LARGE1: variants seen among roughly 807,000 people sequenced by gnomAD.
The protein encoded by LARGE1 is LARGE xylosyl- and glucuronyltransferase 1.
Under a neutral mutation model 87.6 loss-of-function variants are expected in LARGE1, and 43 were observed. The ratio of observed to expected loss-of-function variants is 0.49; its 90% CI spans 0.38 to 0.63. The LOEUF (loss-of-function observed/expected upper bound fraction) is 0.63. Ranked by LOEUF, LARGE1 falls within the 30% of genes least tolerant of loss-of-function variation. LARGE1 has a pLI of 0.00. For missense variants in LARGE1, 802 were observed against 1,000.2 expected (o/e 0.80, Z 2.67); for synonymous variants, 434 against 394.6 (o/e 1.10, Z -1.18).
intron 1 of LARGE1, among the ~76,000 whole-genome samples, chr22:33,769,565 C>T (rs2085003910): frequency 6.6e-6 from 1 of 152,202 alleles, no homozygotes; most frequent in South Asian, 2.1e-4. Flanking sequence ...ATACAAACTA[C>T]TCCAATCACA....
the LARGE1 span, among the ~76,000 whole-genome samples, chr22:33,076,304 C>T: frequency 6.6e-6 from 1 of 152,116 alleles, no homozygotes; most frequent in Admixed American, 6.6e-5. Context: ...TGGAGATACA[C>T]ACAATTCTGC....
chr22:33,251,419 T>C (rs1298597679), intron 11 of LARGE1, among the ~76,000 whole-genome samples: 1 of 152,206 alleles, frequency 6.6e-6, no homozygotes, highest in Non-Finnish European at 1.5e-5. Context: ...CTTTCTGCTC[T>C]GTTTTTTTTT....
intron 6 of LARGE1, among the ~76,000 whole-genome samples, chr22:33,508,991 T>C (rs2070907501): frequency 6.6e-6 from 1 of 152,200 alleles, no homozygotes; most frequent in Non-Finnish European, 1.5e-5. Context: ...TGGCTTCAAT[T>C]TACCGCTCTG....
At chr22:33,660,570 G>A (rs922528929) in intron 2 of LARGE1, among the ~76,000 whole-genome samples, 1 of 152,156 alleles carries the variant, frequency 6.6e-6, no homozygotes, top group Admixed American at 6.5e-5. Context: ...CATCACCAGC[G>A]TTAGTGACGG....
chr22:33,848,060 C>T (rs749070881), intron 1 of LARGE1, among the ~76,000 whole-genome samples: 6 of 152,242 alleles, frequency 3.9e-5, no homozygotes, highest in Middle Eastern at 3.4e-3. Flanking sequence ...GCTTATTGTG[C>T]GAAAAGCAGC....
At chr22:33,651,694 G>A (rs1238914860) in intron 2 of LARGE1, among the ~76,000 whole-genome samples, 1 of 152,182 alleles carries the variant, frequency 6.6e-6, no homozygotes, top group Non-Finnish European at 1.5e-5. Flanking sequence ...TGGTTAACAT[G>A]TCACAAGGTC....
At chr22:33,904,144 G>A (rs978533195) in intron 1 of LARGE1, among the ~76,000 whole-genome samples, 7 of 152,160 alleles carry the variant, frequency 4.6e-5, no homozygotes, top group African/African-American at 9.6e-5. Context: ...TACCAGCTCC[G>A]GGGATGTGGT....
the LARGE1 span, among the ~76,000 whole-genome samples, chr22:33,142,770 C>T: frequency 6.6e-6 from 1 of 152,176 alleles, no homozygotes; most frequent in Non-Finnish European, 1.5e-5. Context: ...GCTCATCACT[C>T]AACGATTTTC....
At chr22:33,677,213 AC>A (rs1226812896) in intron 2 of LARGE1, among the ~76,000 whole-genome samples, 1 of 151,672 alleles carries the variant, frequency 6.6e-6, no homozygotes, top group Non-Finnish European at 1.5e-5. Context: ...AGTGAAAAAG[AC>A]GGGGGAGGAT....
At position 33,843,440 on chromosome 22, in the gene LARGE1, A is replaced by AAAATAAATAAATAAATAAATAAAT. The variant is rs59206767; in HGVS notation, c.-83+76531_-83+76554dup. 1.0e-3 allele frequency among the ~76,000 whole-genome samples: 146 copies of AAAATAAATAAATAAATAAATAAAT among 146,622 alleles called. 1 individual carries two copies. Among genetic ancestry groups the AAAATAAATAAATAAATAAATAAAT allele is most frequent in the South Asian group, 4.2e-3 (19 of 4,490 alleles). On this transcript the variant is annotated intron_variant, in intron 1 of 14. Coordinates refer to ENST00000397394, the MANE Select transcript of LARGE1 (RefSeq NM_133642.5). ...GGATAGAGCAAGACTCCCTCTCAAAAAAATAAATAAATAAATAAATAAATA... is the reference window on the plus strand; with the variant it reads ...GGATAGAGCAAGACTCCCTCTCAAAAAAATAAATAAATAAATAAATAAATAAATAAATAAATAAATAAATAAATA...
At chr22:33,742,003 G>A (rs764979923) in intron 2 of LARGE1, among the ~76,000 whole-genome samples, 22 of 152,174 alleles carry the variant, frequency 1.4e-4, no homozygotes, top group Non-Finnish European at 1.9e-4. Flanking sequence ...AACCGGCTGT[G>A]TTTCTGCAGT....
intron 9 of LARGE1, among the ~76,000 whole-genome samples, chr22:33,373,972 CAAAAA>C (rs35830988): frequency 3.4e-5 from 2 of 59,536 alleles, no homozygotes; most frequent in African/African-American, 1.4e-4. Flanking sequence ...GACTCCGTCT[CAAAAA>C]AAAAAAAAAA....
At chr22:33,212,760 G>C (rs1925022338) in intron 11 of LARGE1, among the ~76,000 whole-genome samples, 1 of 152,200 alleles carries the variant, frequency 6.6e-6, no homozygotes, top group African/African-American at 2.4e-5. Flanking sequence ...GCTCATGCCT[G>C]TAATCCCAGC....
At chr22:33,376,703 G>C (rs143905220) in intron 9 of LARGE1, among the ~76,000 whole-genome samples, 1 of 152,118 alleles carries the variant, frequency 6.6e-6, no homozygotes, top group Admixed American at 6.5e-5. Context: ...TATGCAAACT[G>C]TTCTTGTCAC....
At chr22:33,591,299 T>A (rs1303232997) in intron 5 of LARGE1, among the ~76,000 whole-genome samples, 2 of 152,232 alleles carry the variant, frequency 1.3e-5, no homozygotes, top group African/African-American at 4.8e-5. Flanking sequence ...TTCCACATCC[T>A]CACTGACACT....
chr22:33,380,898 AGTTGTG>A (rs2065134103), intron 9 of LARGE1, among the ~76,000 whole-genome samples: 1 of 152,212 alleles, frequency 6.6e-6, no homozygotes, highest in East Asian at 1.9e-4. Flanking sequence ...TCTGTTGAAT[AGTTGTG>A]GTCAATTCTT....
chr22:33,356,336 C>G (rs796249407), intron 9 of LARGE1, among the ~76,000 whole-genome samples: 8 of 152,278 alleles, frequency 5.3e-5, no homozygotes, highest in African/African-American at 1.7e-4. Context: ...CCCAAGGTCC[C>G]GTCTGCTTAG....
chr22:33,274,282 G>A lies in LARGE1; in HGVS notation c.*145C>T, dbSNP rs1291963576. On this transcript the variant is annotated 3_prime_UTR_variant, in exon 15 of 15. Coordinates refer to ENST00000397394, the MANE Select transcript of LARGE1 (RefSeq NM_133642.5). Reference sequence around the variant, plus strand: ...TGGATCCTTGTCCAAGGTCTCTGTAGTGAGGGCAGCTTGGCTGGGCCAAAG... The same window carrying A: ...TGGATCCTTGTCCAAGGTCTCTGTAATGAGGGCAGCTTGGCTGGGCCAAAG... 24 of 821,730 alleles carry A rather than the reference G, an allele frequency of 2.9e-5. No homozygotes were observed. Among genetic ancestry groups the A allele is most frequent in the Non-Finnish European group, 4.9e-5 (24 of 491,460 alleles). The allele number at this position is 821,730 out of a possible 1,614,324, so 50.9% of individuals were successfully genotyped here.
rs571491093 is a variant in LARGE1 at position 33,695,340 on chromosome 22, G to A, written c.107-44672C>T. On this transcript the variant is annotated intron_variant, in intron 2 of 14. Transcript: ENST00000397394. ...GCTGGTCTCAAATTCCTGACCTCAAGTGATCCATCCACCTTGGCCTCCCAA... is the reference window on the plus strand; with the variant it reads ...GCTGGTCTCAAATTCCTGACCTCAAATGATCCATCCACCTTGGCCTCCCAA... Among the ~76,000 whole-genome samples, 124 of 152,216 alleles carry A rather than the reference G, an allele frequency of 8.1e-4. 1 individual carries two copies. Among genetic ancestry groups the A allele is most frequent in the African/African-American group, 2.8e-3 (117 of 41,538 alleles).
Sources: allele counts gnomAD v4.1 joint callset (sites outside exome capture counted in the v4.1 genomes callset), GRCh38; gene constraint gnomAD v4.1.1; transcripts MANE v1.5; gene names NCBI Gene and HGNC (gene_info 2026-07-23, HGNC 2026-07-21).